The following ITGB7 variants were observed in gnomAD, a reference collection of about 807,000 sequenced individuals.
ITGB7 encodes the protein integrin beta-7.
Under a neutral mutation model 83.4 loss-of-function variants are expected in ITGB7, and 55 were observed. The ratio of observed to expected loss-of-function variants is 0.66; its 90% CI spans 0.53 to 0.83. The LOEUF is 0.83. Ranked by LOEUF, ITGB7 falls within the 40% of genes least tolerant of loss-of-function variation. The pLI, the probability that ITGB7 is intolerant of heterozygous loss-of-function variation, is 0.00. For synonymous variants in ITGB7, 454 were observed against 423.6 expected, an observed-to-expected ratio of 1.07 and a Z score of -0.88; for missense variants, 921 against 1,046.7, an observed-to-expected ratio of 0.88 and a Z score of 1.66.
At chr12:53,203,647 C>CAAAAAAAAAAAAA (rs1158624130) in intron 1 of ITGB7, among the ~76,000 whole-genome samples, 30 of 50,922 alleles carry the variant, frequency 5.9e-4, no homozygotes, top group Non-Finnish European at 9.2e-4. Context: ...GACCCTGTCT[C>CAAAAAAAAAAAAA]AAAAAAAAAA....
Position 53,192,018 on chromosome 12 carries a change from C to G in ITGB7, c.2157G>C (p.Lys719Asn). ...CAATGGCCTGCGTGTGGTCTGCTCC[C>G]TCTGTGAACAAGAAACCAGACACAC... ...TVVLRVRPQE[K>N]GADHTQAIVL... Residue 719 changes from lysine (K) to asparagine (N), a missense_variant and splice_region_variant, in exon 15 of 16, where the codon AAG (lysine) becomes AAC (asparagine). Physicochemically the swap from Lys to Asn is moderately conservative, Grantham distance 94. Coordinates refer to ENST00000267082, the MANE Select transcript of ITGB7 (RefSeq NM_000889.3). 2 of 1,610,492 alleles carry G rather than the reference C, an allele frequency of 1.2e-6. No individual in the cohort carries two copies. Among genetic ancestry groups the G allele is most frequent in the Non-Finnish European group, 1.7e-6 (2 of 1,178,084 alleles).
rs201899198 is a variant in ITGB7, at chr12:53,195,770, A to G, written c.976-49T>C. 2.6e-5 allele frequency: 38 copies of G among 1,465,032 alleles called. No individual in the cohort carries two copies. The African/African-American group carries it at 3.9e-4, about 15-fold the overall frequency. 90.8% of individuals were successfully genotyped at this position (1,465,032 alleles called of 1,614,324 possible). ...GTGAGCCCCACAGGTTTCCCCCACA[A>G]CATGCAAGGTGCCCTCAGCCCAGGG... On this transcript the variant is annotated intron_variant, in intron 7 of 15. Coordinates refer to ENST00000267082, the MANE Select transcript of ITGB7 (RefSeq NM_000889.3).
At chr12:53,192,122 A>G in intron 14 of ITGB7, 103 bp from the exon 15 acceptor site, 2 of 1,418,208 alleles carry the variant, frequency 1.4e-6, no homozygotes, top group Non-Finnish European at 9.5e-7. Context: ...CTGTCACTGA[A>G]AGCAAAGGGA....
intron 5 of ITGB7, 38 bp from the exon 6 acceptor site, chr12:53,196,858 G>T (rs770845384): frequency 1.3e-6 from 2 of 1,566,510 alleles, no homozygotes; most frequent in African/African-American, 1.3e-5. Context: ...GCCAGAAGTC[G>T]CAGGGCAGCA....
At position 53,195,469 on chromosome 12, in the gene ITGB7, T is replaced by C; in HGVS notation, c.1072-6A>G. 1 of 1,612,098 alleles carries C rather than the reference T, an allele frequency of 6.2e-7. No homozygotes were observed. Among genetic ancestry groups the C allele is most frequent in the Non-Finnish European group, 8.5e-7 (1 of 1,178,406 alleles). On this transcript the variant is annotated splice_region_variant and splice_polypyrimidine_tract_variant and intron_variant, in intron 8 of 15. Coordinates refer to ENST00000267082, the MANE Select transcript of ITGB7 (RefSeq NM_000889.3). ...GGAATCAGTTTACTCAGCTCCTGAG[T>C]TTTGGGGAGTTAAGGGAAATGGTGG... is the stretch of plus-strand genomic sequence containing the variant.
intron 6 of ITGB7, 168 bp downstream of exon 6, chr12:53,196,411 T>G (rs76998433): frequency 3.6e-4 from 387 of 1,067,416 alleles, no homozygotes; most frequent in African/African-American, 3.0e-3. Flanking sequence ...AAAACATGCC[T>G]CCTCCTCAAG....
rs778272692 is a variant in ITGB7, at chr12:53,192,704, A to G, written c.1933T>C (p.Cys645Arg). 1.9e-6 allele frequency: 3 copies of G among 1,613,938 alleles called. No individual in the cohort carries two copies. The highest frequency in any genetic ancestry group is 2.5e-6 in the Non-Finnish European group (3 of 1,179,918). The change falls in exon 13 of 16, where the codon TGC (cysteine) becomes CGC (arginine). Residue 645 changes from cysteine (C) to arginine (R), a missense_variant. By Grantham distance (180) the Cys-to-Arg change is radical (BLOSUM62 -3). Transcript: ENST00000267082. ...CTGAGGCCTCACCGGTGTCTCTCGC[A>G]TGGTGTCTTGCAGCCTGGGCATTGG... is the stretch of plus-strand genomic sequence containing the variant. ...CDQCPGCKTP[C>R]ERHRDCAECG...
intron 1 of ITGB7, among the ~76,000 whole-genome samples, chr12:53,202,691 C>CGT (rs1471224809): frequency 1.3e-5 from 2 of 150,992 alleles, no homozygotes; most frequent in East Asian, 4.0e-4. Flanking sequence ...GGCCAGGTAC[C>CGT]GTGGCTCATG....
intron 13 of ITGB7, 75 bp downstream of exon 13, chr12:53,192,616 A>G (rs1307952799): frequency 4.4e-6 from 7 of 1,596,878 alleles, no homozygotes; most frequent in Non-Finnish European, 1.7e-6. Context: ...AGCAGGACGG[A>G]GAGTAGGCAG....
In ITGB7 at chr12:53,203,506, G is replaced by A. The variant is rs757350940; in HGVS notation, c.-126-2312C>T. Among the ~76,000 whole-genome samples, 4 of 151,410 alleles carry A rather than the reference G, an allele frequency of 2.6e-5. No individual in the cohort carries two copies. The South Asian group carries it at 8.3e-4, about 32-fold the overall frequency. On this transcript the variant is annotated intron_variant, in intron 1 of 15. Coordinates refer to ENST00000267082, the MANE Select transcript of ITGB7 (RefSeq NM_000889.3). ...TTGCTAAAAATACAAAACTTAACTG[G>A]GCATGGTGGTACATGCCTGTAGCTC...
In ITGB7 at chr12:53,192,776, A is replaced by G; in HGVS notation, c.1861T>C (p.Cys621Arg). ...CCGTCCAAGCACTGGCAGCGGTTGC[A>G]TTTGCAGCGTCCATGCCCACTGCAG... is the stretch of plus-strand genomic sequence containing the variant. ...GLCSGHGRCK[C>R]NRCQCLDGYY... Residue 621 changes from cysteine to arginine, a missense_variant, in exon 13 of 16, where the codon TGC becomes CGC. By Grantham distance (180) the Cys-to-Arg change is radical (BLOSUM62 -3). Coordinates refer to ENST00000267082, the MANE Select transcript of ITGB7 (RefSeq NM_000889.3). 1 of 1,614,210 alleles carries G rather than the reference A, an allele frequency of 6.2e-7. No homozygotes were observed. The highest frequency in any genetic ancestry group is 8.5e-7 in the Non-Finnish European group (1 of 1,180,032).
In ITGB7 at chr12:53,192,424, C is replaced by A; in HGVS notation, c.2061G>T (p.Trp687Cys). The change falls in exon 14 of 16, where the codon TGG (tryptophan) becomes TGT (cysteine). Residue 687 changes from tryptophan to cysteine, a missense_variant. Physicochemically the swap from Trp to Cys is radical, Grantham distance 215 (BLOSUM62 -2). Transcript: ENST00000267082. ...LALAPILDDG[W>C]CKERTLDNQL... ...GGTTGTCCAGGGTCCGCTCTTTGCA[C>A]CAGCCATCATCCAAGATAGGGGCCA... is the stretch of plus-strand genomic sequence containing the variant. 6.2e-7 allele frequency: 1 copy of A among 1,614,122 alleles called. No homozygotes were observed. Among genetic ancestry groups the A allele is most frequent in the Non-Finnish European group, 8.5e-7 (1 of 1,180,040 alleles).
chr12:53,196,149 G>C lies in ITGB7; in HGVS notation c.867C>G (p.Asp289Glu), dbSNP rs139004799. The change falls in exon 7 of 16, where the codon GAC (aspartate) becomes GAG (glutamate). Residue 289 changes from aspartate to glutamate, a missense_variant. Transcript: ENST00000267082. ...NVSRLLVFTS[D>E]DTFHTAGDGK... Reference sequence around the variant, plus strand: ...CGTCCCCAGCTGTATGGAATGTGTCGTCTGAAGTGAACACCAGCAGCCGGG... The same window carrying C: ...CGTCCCCAGCTGTATGGAATGTGTCCTCTGAAGTGAACACCAGCAGCCGGG... 2.4e-5 allele frequency: 38 copies of C among 1,614,052 alleles called. No homozygotes were observed. Among genetic ancestry groups the C allele is most frequent in the Non-Finnish European group, 2.5e-6 (3 of 1,180,012 alleles).
intron 8 of ITGB7, 28 bp from the exon 9 acceptor site, chr12:53,195,491 G>T: frequency 5.0e-6 from 8 of 1,587,540 alleles, no homozygotes; most frequent in South Asian, 1.1e-5. Context: ...AAGGGAAATG[G>T]TGGGTCACAG....
At chr12:53,201,020 G>C (rs1214708120) in intron 2 of ITGB7, 52 bp downstream of exon 2, 1 of 152,570 alleles carries the variant, frequency 6.6e-6, no homozygotes. Context: ...CCTACTAAAG[G>C]ATTTGGGGAC....
intron 1 of ITGB7, chr12:53,206,780 G>A (rs1207701546): frequency 6.6e-6 from 1 of 152,332 alleles, no homozygotes; most frequent in African/African-American, 2.4e-5. Context: ...CTGTGACCAA[G>A]GTGCCGATTA....
intron 12 of ITGB7, 81 bp downstream of exon 12, chr12:53,193,055 GCCTT>G (rs1565699192): frequency 2.1e-6 from 3 of 1,398,922 alleles, no homozygotes; most frequent in Non-Finnish European, 2.0e-6. Flanking sequence ...TTTGATATTT[GCCTT>G]CCATGCCAGG....
chr12:53,196,202 G>T lies in ITGB7; in HGVS notation c.817-3C>A, dbSNP rs1592403123. 2 of 1,613,920 alleles carry T rather than the reference G, an allele frequency of 1.2e-6. No individual in the cohort carries two copies. The highest frequency in any genetic ancestry group is 4.5e-5 in the East Asian group (2 of 44,876). On this transcript the variant is annotated splice_region_variant and splice_polypyrimidine_tract_variant and intron_variant, in intron 6 of 15. Transcript: ENST00000267082. ...ACATTTCTCCAGCCAATCTGCTCCT[G>T]AGTTACAGTGGGGGTGGTAGGCTAT...
In ITGB7 at chr12:53,195,644, G is replaced by A. The variant is rs148815043; in HGVS notation, c.1053C>T (p.Ala351=). The A allele has an allele frequency of 2.2e-5, 35 of 1,613,804 alleles. No homozygotes were observed. The highest frequency in any genetic ancestry group is 6.7e-5 in the Admixed American group (4 of 60,000). Reference sequence around the variant, plus strand: ...CTCTCACCTGGTAGACAGGCAGTGCGGCACTGGTGACAGCAAAGATGGGCT... The same window carrying A: ...CTCTCACCTGGTAGACAGGCAGTGCAGCACTGGTGACAGCAAAGATGGGCT... ...NIQPIFAVTS[A]ALPVYQELSK... Residue 351 remains alanine, a synonymous_variant, in exon 8 of 16, where the codon GCC becomes GCT. Coordinates refer to ENST00000267082, the MANE Select transcript of ITGB7 (RefSeq NM_000889.3).
Sources: gnomAD v4.1 joint callset for allele counts (sites outside exome capture counted in the v4.1 genomes callset) on GRCh38, gnomAD v4.1.1 for gene constraint, MANE v1.5 for transcripts, NCBI Gene and HGNC (gene_info 2026-07-23, HGNC 2026-07-21) for gene names.